CFAP43: variants seen among roughly 807,000 people sequenced by gnomAD.
CFAP43 encodes the protein cilia and flagella associated protein 43, also known as cilia- and flagella-associated protein 43.
A neutral mutation model predicts 218.9 loss-of-function variants in CFAP43; 155 were observed. That is an observed-to-expected ratio of 0.71 (90% CI 0.62 to 0.81). CFAP43 has a LOEUF of 0.81. Ranked by LOEUF, CFAP43 falls within the 30% of genes least tolerant of loss-of-function variation. CFAP43 has a pLI of 0.00. For synonymous variants in CFAP43, 645 were observed against 681.3 expected (o/e 0.95, Z 0.83); for missense variants, 1,778 against 1,954.3 (o/e 0.91, Z 1.70).
chr10:104,130,998 CAAAAA>C (rs1163188252), intron 37 of CFAP43, among the ~76,000 whole-genome samples: 103 of 56,720 alleles, frequency 1.8e-3, no homozygotes, highest in African/African-American at 5.8e-3. Context: ...CACCCTGTCT[CAAAAA>C]AAAAAAAAAA....
chr10:104,188,857 T>C (rs1450797592), intron 12 of CFAP43, among the ~76,000 whole-genome samples: 1 of 152,188 alleles, frequency 6.6e-6, no homozygotes. Context: ...ATGAGCTTGC[T>C]CCACTAGAAA....
At chr10:104,206,606 T>A (rs891169739) in intron 6 of CFAP43, among the ~76,000 whole-genome samples, 16 of 152,164 alleles carry the variant, frequency 1.1e-4, no homozygotes, top group Non-Finnish European at 1.5e-4. Context: ...CTGCATAGAT[T>A]GGGTCAGATG....
At chr10:104,140,515 G>A (rs1231860820) in intron 34 of CFAP43, among the ~76,000 whole-genome samples, 1 of 152,356 alleles carries the variant, frequency 6.6e-6, no homozygotes, top group East Asian at 1.9e-4. Flanking sequence ...CTTTAAACAA[G>A]TATAATTGGC....
chr10:104,172,184 A>G (rs2089439801), intron 20 of CFAP43, among the ~76,000 whole-genome samples: 1 of 152,208 alleles, frequency 6.6e-6, no homozygotes, highest in Non-Finnish European at 1.5e-5. Context: ...ATGGAGGGGA[A>G]GCAAATGTCA....
intron 28 of CFAP43, among the ~76,000 whole-genome samples, chr10:104,149,443 A>C (rs1277745584): frequency 6.6e-6 from 1 of 152,184 alleles, no homozygotes; most frequent in Non-Finnish European, 1.5e-5. Context: ...AAAGTGGTAC[A>C]CTTCAGTTCA....
chr10:104,185,237 TA>T, intron 15 of CFAP43, 91 bp from the exon 16 acceptor site: 1 of 1,508,012 alleles, frequency 6.6e-7, no homozygotes, highest in Middle Eastern at 1.7e-4. Context: ...TTTTTGTGGA[TA>T]AATCATTTTC....
intron 6 of CFAP43, among the ~76,000 whole-genome samples, chr10:104,206,752 C>T (rs971530006): frequency 2.0e-5 from 3 of 152,220 alleles, no homozygotes; most frequent in Non-Finnish European, 4.4e-5. Context: ...CTCCCAGGGT[C>T]TACATCTACT....
intron 35 of CFAP43, chr10:104,132,491 G>A (rs1589604208): frequency 6.3e-6 from 2 of 318,780 alleles, no homozygotes; most frequent in East Asian, 1.7e-4. Flanking sequence ...GCACATGCCT[G>A]TAATCCCAGC....
chr10:104,179,006 G>A, intron 19 of CFAP43, 23 bp downstream of exon 19: 2 of 1,578,810 alleles, frequency 1.3e-6, no homozygotes, highest in Non-Finnish European at 1.7e-6. Context: ...AAAGGTATTA[G>A]AATATGAAAT....
intron 33 of CFAP43, 89 bp downstream of exon 33, chr10:104,142,192 C>A: frequency 9.6e-7 from 1 of 1,047,070 alleles, no homozygotes; most frequent in Non-Finnish European, 1.4e-6. Flanking sequence ...GTAAAGCAGT[C>A]AGTAGGCATT....
At chr10:104,230,277 C>G (rs913919667) in intron 2 of CFAP43, among the ~76,000 whole-genome samples, 2 of 151,814 alleles carry the variant, frequency 1.3e-5, no homozygotes, top group Non-Finnish European at 2.9e-5. Context: ...ACAGCCTGAC[C>G]AACATGGTGA....
chr10:104,151,596 T>G (rs1469482814), intron 28 of CFAP43, among the ~76,000 whole-genome samples: 1 of 151,996 alleles, frequency 6.6e-6, no homozygotes, highest in Non-Finnish European at 1.5e-5. Flanking sequence ...AATGGGGTTG[T>G]TTTTTTTCTT....
Position 104,146,330 on chromosome 10 carries a change from A to G in CFAP43, c.3788T>C (p.Val1263Ala). The G allele has an allele frequency of 6.2e-7, 1 of 1,613,704 alleles. No individual in the cohort carries two copies. The highest frequency in any genetic ancestry group is 1.1e-5 in the South Asian group (1 of 91,072). ...QHEKSQTSEA[V>A]RKSREDLDVC... ...ATCCAGGTCTTCTCTAGATTTCCGAACAGCTTCTGAAGTCTGGCTCTATAA... is the reference window on the plus strand; with the variant it reads ...ATCCAGGTCTTCTCTAGATTTCCGAGCAGCTTCTGAAGTCTGGCTCTATAA... Residue 1263 changes from valine (V) to alanine (A), a missense_variant, in exon 30 of 38, where the codon GTT becomes GCT. Around this residue, in one of 3 missense-constraint regions of CFAP43, gnomAD observed 1,553 missense variants for 1,685.2 expected, o/e 0.92. Coordinates refer to ENST00000357060, the MANE Select transcript of CFAP43 (RefSeq NM_025145.7).
chr10:104,166,556 A>C lies in CFAP43; in HGVS notation c.2971T>G (p.Ser991Ala), dbSNP rs138801737. ...SLSTDFGVDT[S>A]LLSSQLELHS... The stretch of plus-strand genomic sequence containing the variant: ...AGCTCCAATTGGCTTGACAATAAAG[A>C]GGTATCTACCCCAAAATCAGTACTC... Residue 991 changes from serine (S) to alanine (A), a missense_variant, in exon 23 of 38, where the codon TCT (serine) becomes GCT (alanine). Transcript: ENST00000357060. The C allele has an allele frequency of 8.3e-4, 1,345 of 1,614,146 alleles. 6 individuals are homozygous for C. Among genetic ancestry groups the C allele is most frequent in the East Asian group, 4.9e-3 (221 of 44,872 alleles).
At chr10:104,175,284 G>A (rs944512067) in intron 19 of CFAP43, among the ~76,000 whole-genome samples, 10 of 152,020 alleles carry the variant, frequency 6.6e-5, no homozygotes, top group African/African-American at 2.4e-4. Flanking sequence ...AATTACTTGG[G>A]CGTGGTGGTG....
At chr10:104,155,800 T>A (rs1428853113) in intron 27 of CFAP43, among the ~76,000 whole-genome samples, 1 of 151,852 alleles carries the variant, frequency 6.6e-6, no homozygotes. Flanking sequence ...GACCTACAGG[T>A]GTTCAAGTCA....
In CFAP43 at chr10:104,185,037, G is replaced by A. The variant is rs753113887; in HGVS notation, c.2120C>T (p.Thr707Ile). ...NILVNGRDDGTLVYLKWKRFG... is the reference protein window; with the variant it reads ...NILVNGRDDGILVYLKWKRFG... ...GTACTTCCACTTTAGGTAGACAAGGGTGCCATCATCTCTCCCATTCACCAG... is the reference window on the plus strand; with the variant it reads ...GTACTTCCACTTTAGGTAGACAAGGATGCCATCATCTCTCCCATTCACCAG... The change falls in exon 16 of 38, where the codon ACC (threonine) becomes ATC (isoleucine). Residue 707 changes from threonine (T) to isoleucine (I), a missense_variant. Transcript: ENST00000357060. The A allele has an allele frequency of 6.2e-7, 1 of 1,614,048 alleles. No homozygotes were observed. Among genetic ancestry groups the A allele is most frequent in the East Asian group, 2.2e-5 (1 of 44,858 alleles).
chr10:104,132,298 A>G (rs1477636816), intron 35 of CFAP43, 102 bp from the exon 36 acceptor site: 1 of 879,310 alleles, frequency 1.1e-6, no homozygotes, highest in Non-Finnish European at 1.7e-6. Context: ...TTTCATAACA[A>G]ATATCTATGC....
intron 10 of CFAP43, among the ~76,000 whole-genome samples, chr10:104,196,199 T>C (rs533336986): frequency 1.3e-5 from 2 of 152,250 alleles, no homozygotes; most frequent in South Asian, 4.1e-4. Flanking sequence ...ACAAGGTCCT[T>C]GGTATATCAT....
Sources: gnomAD v4.1 joint callset for allele counts (sites outside exome capture counted in the v4.1 genomes callset) on GRCh38, gnomAD v4.1.1 for gene constraint, gnomAD v4.1.1 regional missense constraint, MANE v1.5 for transcripts, NCBI Gene and HGNC (gene_info 2026-07-23, HGNC 2026-07-21) for gene names.